The following INSR variants were observed in gnomAD, a reference collection of about 807,000 sequenced individuals.
INSR encodes insulin receptor, also known as IR.
INSR carries 67 observed loss-of-function variants against 142.6 expected under a neutral mutation model. That is an observed-to-expected ratio of 0.47 (90% CI 0.39 to 0.58). INSR has a LOEUF of 0.58. Among genes scored for constraint, INSR ranks in the 20% least tolerant of loss-of-function variants. The pLI is 0.00. For synonymous variants in INSR, 756 were observed against 743.1 expected, an observed-to-expected ratio of 1.02 and a Z score of -0.28; for missense variants, 1,248 against 1,833.2, an observed-to-expected ratio of 0.68 and a Z score of 5.83.
At position 7,157,271 on chromosome 19, in the gene INSR, G is replaced by A. The variant is rs144793471; in HGVS notation, c.2030-4344C>T. Among the ~76,000 whole-genome samples the A allele has an allele frequency of 2.7e-3, 400 of 150,758 alleles. 8 individuals are homozygous for A. In the East Asian group the frequency reaches 0.039, roughly 15 times the overall value. On this transcript the variant is annotated intron_variant, in intron 9 of 21. Transcript: ENST00000302850. Reference sequence around the variant, plus strand: ...TGGGATTATAGGCTTGAGCCACTGCGCCTGGCATTTTTTTTGTATTTTTAT... The same window carrying A: ...TGGGATTATAGGCTTGAGCCACTGCACCTGGCATTTTTTTTGTATTTTTAT...
intron 8 of INSR, among the ~76,000 whole-genome samples, chr19:7,164,452 G>A (rs1973840709): frequency 6.6e-6 from 1 of 152,056 alleles, no homozygotes; most frequent in South Asian, 2.1e-4. Flanking sequence ...GGGAGGCCAA[G>A]GTGGGCGGAT....
At chr19:7,251,331 A>C (rs903561149) in intron 2 of INSR, among the ~76,000 whole-genome samples, 2 of 152,058 alleles carry the variant, frequency 1.3e-5, no homozygotes, top group African/African-American at 4.8e-5. Context: ...ATCTCGGCTC[A>C]TTACAGCCTC....
chr19:7,253,873 T>C (rs1009229220), intron 2 of INSR, among the ~76,000 whole-genome samples: 8 of 151,196 alleles, frequency 5.3e-5, no homozygotes, highest in African/African-American at 1.9e-4. Flanking sequence ...CACTAAAAAA[T>C]ACAAAAATCA....
chr19:7,153,896 C>T (rs1973517288), intron 9 of INSR, among the ~76,000 whole-genome samples: 1 of 152,114 alleles, frequency 6.6e-6, no homozygotes, highest in South Asian at 2.1e-4. Flanking sequence ...CCAGGCAGCT[C>T]ACACCTGTAA....
At chr19:7,155,135 T>G (rs1973556443) in intron 9 of INSR, among the ~76,000 whole-genome samples, 1 of 152,070 alleles carries the variant, frequency 6.6e-6, no homozygotes, top group South Asian at 2.1e-4. Flanking sequence ...TGAGACATCC[T>G]GAATTCAGCA....
chr19:7,245,520 G>T (rs983783210), intron 2 of INSR, among the ~76,000 whole-genome samples: 2 of 151,932 alleles, frequency 1.3e-5, no homozygotes, highest in African/African-American at 4.8e-5. Context: ...CACAATCTCG[G>T]CTCATTGAAC....
At chr19:7,175,304 G>T (rs1974112214) in intron 3 of INSR, among the ~76,000 whole-genome samples, 1 of 152,094 alleles carries the variant, frequency 6.6e-6, no homozygotes. Context: ...GCTTGAGCCT[G>T]GGAGTTCAAG....
chr19:7,274,292 C>T lies in INSR; in HGVS notation c.101-6396G>A, dbSNP rs144375679. On this transcript the variant is annotated intron_variant, in intron 1 of 21. Coordinates refer to ENST00000302850, the MANE Select transcript of INSR (RefSeq NM_000208.4). ...ATCTAATGCTGCCATTGTTCTGACA[C>T]GAGGCGGAGCTCAGGCGGCAATGCT... Among the ~76,000 whole-genome samples, 356 of 152,042 alleles carry T rather than the reference C, an allele frequency of 2.3e-3. 2 individuals are homozygous for T. The highest frequency in any genetic ancestry group is 0.019 in the East Asian group (97 of 5,150).
chr19:7,255,637 G>A (rs1267897721), intron 2 of INSR, among the ~76,000 whole-genome samples: 3 of 151,088 alleles, frequency 2.0e-5, no homozygotes, highest in African/African-American at 7.3e-5. Context: ...GGGTACAGTG[G>A]TGTAATCATA....
intron 2 of INSR, among the ~76,000 whole-genome samples, chr19:7,250,371 GAGGGAGAGAGGA>G (rs1220556728): frequency 2.1e-4 from 27 of 131,594 alleles, no homozygotes; most frequent in African/African-American, 7.1e-4. Flanking sequence ...GAGGAAGGAG[GAGGGAGAGAGGA>G]AGGGAGAGAA....
At position 7,181,675 on chromosome 19, in the gene INSR, T is replaced by C. The variant is rs539684646; in HGVS notation, c.974+2641A>G. Among the ~76,000 whole-genome samples the C allele has an allele frequency of 5.3e-5, 8 of 151,758 alleles. No individual in the cohort carries two copies. The South Asian group carries it at 1.3e-3, about 24-fold the overall frequency. On this transcript the variant is annotated intron_variant, in intron 3 of 21. Transcript: ENST00000302850. ...ACCTCTGCCTCCTGGGTTCAAGCAA[T>C]TCTCATGCCTCAGCCTCCCGAGTAG... is the stretch of plus-strand genomic sequence containing the variant.
At chr19:7,139,886 C>T (rs151035284) in intron 13 of INSR, among the ~76,000 whole-genome samples, 2,756 of 145,592 alleles carry the variant, frequency 0.019, 50 homozygotes, top group African/African-American at 0.046. Context: ...TGCAGTGGCA[C>T]GATCTTGGCT....
chr19:7,149,349 C>T (rs1392152609), intron 11 of INSR, among the ~76,000 whole-genome samples: 21 of 152,134 alleles, frequency 1.4e-4, no homozygotes, highest in Non-Finnish European at 3.1e-4. Context: ...AATAAATAAA[C>T]ACTCTGCTAA....
At chr19:7,232,275 G>C (rs1040645161) in intron 2 of INSR, among the ~76,000 whole-genome samples, 3 of 151,956 alleles carry the variant, frequency 2.0e-5, no homozygotes, top group African/African-American at 7.2e-5. Context: ...ACAATGGCCT[G>C]ATCTTGGCTC....
chr19:7,292,725 A>G (rs1968529442), intron 1 of INSR, among the ~76,000 whole-genome samples: 1 of 152,306 alleles, frequency 6.6e-6, no homozygotes, highest in Middle Eastern at 3.4e-3. Context: ...AACCCAGGCT[A>G]TATTCCTTAA....
intron 2 of INSR, among the ~76,000 whole-genome samples, chr19:7,266,836 T>G (rs1202917454): frequency 1.3e-5 from 2 of 152,240 alleles, no homozygotes; most frequent in Non-Finnish European, 2.9e-5. Context: ...TGCTTTTTTT[T>G]CGTTTACAAG....
chr19:7,175,911 C>A (rs910243244), intron 3 of INSR, among the ~76,000 whole-genome samples: 4 of 151,984 alleles, frequency 2.6e-5, no homozygotes, highest in Admixed American at 1.3e-4. Context: ...AGAAAAGAAC[C>A]ACTGCCTTAA....
In INSR at chr19:7,272,050, A is replaced by G. The variant is rs148896934; in HGVS notation, c.101-4154T>C. On this transcript the variant is annotated intron_variant, in intron 1 of 21. Coordinates refer to ENST00000302850, the MANE Select transcript of INSR (RefSeq NM_000208.4). ...CTGGCCGCAGTGGCTCACGCCTGTA[A>G]TCCCAGCACTGCGGGAGGCCGAGGT... is the stretch of plus-strand genomic sequence containing the variant. 7.8e-3 allele frequency among the ~76,000 whole-genome samples: 1,186 copies of G among 152,242 alleles called. 13 individuals carry two copies. The highest frequency in any genetic ancestry group is 0.028 in the African/African-American group (1,146 of 41,536).
At chr19:7,124,541 GAAAAAAAAAAAAAAAAAAAAAAAAA>G (rs531613079) in intron 17 of INSR, among the ~76,000 whole-genome samples, 5 of 9,920 alleles carry the variant, frequency 5.0e-4, no homozygotes, top group East Asian at 4.5e-3. Flanking sequence ...TCCGTTTCAG[GAAAAAAAAAAAAAAAAAAAAAAAAA>G]AAAAAAAAAA....
Sources: gnomAD v4.1 joint callset for allele counts (sites outside exome capture counted in the v4.1 genomes callset) on GRCh38, gnomAD v4.1.1 for gene constraint, MANE v1.5 for transcripts, NCBI Gene and HGNC (gene_info 2026-07-23, HGNC 2026-07-21) for gene names.